Variants in TMEM178B observed in about 807,000 individuals in gnomAD.
The protein encoded by TMEM178B is transmembrane protein 178B.
Under a neutral mutation model 31.0 loss-of-function variants are expected in TMEM178B, and 5 were observed. The ratio of observed to expected loss-of-function variants is 0.16; its 90% CI spans 0.08 to 0.34. The LOEUF (loss-of-function observed/expected upper bound fraction) is 0.34, where lower values mean the gene tolerates loss of function less well. Among genes scored for constraint, TMEM178B ranks in the 10% least tolerant of loss-of-function variants. TMEM178B has a pLI of 1.00. For missense variants in TMEM178B, 275 were observed against 400.3 expected (o/e 0.69, Z 2.67); for synonymous variants, 164 against 164.0 (o/e 1.00, Z 0.00).
intron 3 of TMEM178B, among the ~76,000 whole-genome samples, chr7:141,454,459 G>A (rs1453351930): frequency 1.3e-5 from 2 of 152,126 alleles, no homozygotes; most frequent in Non-Finnish European, 1.5e-5. Context: ...GTCTCCATGT[G>A]GTCAGCCTTC....
Position 141,475,676 on chromosome 7 carries a change from G to T in TMEM178B, c.*4890G>T, listed in dbSNP as rs1438519189. ...GAGTGCAGGGCCCTGAGCCCCCAGA[G>T]ATAGCAAAGAGGCCTAAAAGTTTAA... On this transcript the variant is annotated 3_prime_UTR_variant, in exon 4 of 4. Coordinates refer to ENST00000565468, the MANE Select transcript of TMEM178B (RefSeq NM_001195278.2). The T allele has an allele frequency of 6.6e-6, 1 of 152,302 alleles. No homozygotes were observed. The highest frequency in any genetic ancestry group is 2.4e-5 in the African/African-American group (1 of 41,444). The allele number at this position is 152,302 out of a possible 1,614,324, so 9.4% of individuals were successfully genotyped here. A position where few individuals can be genotyped will look rare whatever the true frequency, so the allele number is the denominator to read the frequency against.
intron 2 of TMEM178B, among the ~76,000 whole-genome samples, chr7:141,429,306 A>AACACAC (rs1801377954): frequency 4.3e-5 from 2 of 46,778 alleles, no homozygotes; most frequent in African/African-American, 9.4e-5. Context: ...AAGAAAATGT[A>AACACAC]ATACACACAC....
intron 1 of TMEM178B, among the ~76,000 whole-genome samples, chr7:141,186,375 A>G (rs1388585272): frequency 2.0e-5 from 3 of 152,112 alleles, no homozygotes; most frequent in Non-Finnish European, 4.4e-5. Context: ...GTGGATTTGC[A>G]TGGCATGCCT....
chr7:141,197,360 C>G (rs1199978985), intron 1 of TMEM178B, among the ~76,000 whole-genome samples: 1 of 152,170 alleles, frequency 6.6e-6, no homozygotes, highest in Non-Finnish European at 1.5e-5. Flanking sequence ...GGTTCCAGCA[C>G]CCATGTTCTT....
the TMEM178B span, among the ~76,000 whole-genome samples, chr7:141,510,405 G>T: frequency 6.6e-6 from 1 of 152,090 alleles, no homozygotes; most frequent in Non-Finnish European, 1.5e-5. Context: ...GAGCTCAGGG[G>T]CCGGGCGCGG....
At chr7:141,259,649 A>G (rs1432423618) in intron 2 of TMEM178B, among the ~76,000 whole-genome samples, 1 of 152,196 alleles carries the variant, frequency 6.6e-6, no homozygotes, top group African/African-American at 2.4e-5. Flanking sequence ...CTCCCCGACA[A>G]TACGTAGCTA....
chr7:141,360,441 G>T (rs1799897285), intron 2 of TMEM178B, among the ~76,000 whole-genome samples: 1 of 152,222 alleles, frequency 6.6e-6, no homozygotes, highest in Non-Finnish European at 1.5e-5. Context: ...TTCCAGAAAG[G>T]ATTTTGATTC....
At chr7:141,335,153 A>G (rs1424117708) in intron 2 of TMEM178B, among the ~76,000 whole-genome samples, 1 of 152,124 alleles carries the variant, frequency 6.6e-6, no homozygotes, top group Non-Finnish European at 1.5e-5. Flanking sequence ...AGTCCTGGAT[A>G]AGGAGGGAAA....
intron 2 of TMEM178B, among the ~76,000 whole-genome samples, chr7:141,229,013 CTTTTTTTTTTTT>C (rs3035763): frequency 2.5e-5 from 2 of 80,574 alleles, no homozygotes; most frequent in Admixed American, 1.3e-4. Context: ...TCAGTACTAT[CTTTTTTTTTTTT>C]TTTTTTTTTT....
intron 2 of TMEM178B, among the ~76,000 whole-genome samples, chr7:141,232,437 G>A (rs935673483): frequency 6.6e-5 from 10 of 152,100 alleles, no homozygotes; most frequent in Admixed American, 2.0e-4. Flanking sequence ...CAGTGTTAAA[G>A]CATTCCTTTT....
At chr7:141,271,234 T>G (rs1798175721) in intron 2 of TMEM178B, among the ~76,000 whole-genome samples, 1 of 152,152 alleles carries the variant, frequency 6.6e-6, no homozygotes, top group African/African-American at 2.4e-5. Context: ...GGAGGCCTGC[T>G]TCAAAATCTC....
At chr7:141,303,385 T>C (rs1427621749) in intron 2 of TMEM178B, among the ~76,000 whole-genome samples, 1 of 152,214 alleles carries the variant, frequency 6.6e-6, no homozygotes, top group Non-Finnish European at 1.5e-5. Flanking sequence ...TATACTCCAA[T>C]TAAGGGGAGA....
intron 2 of TMEM178B, among the ~76,000 whole-genome samples, chr7:141,257,632 C>T (rs762614534): frequency 2.0e-5 from 3 of 152,144 alleles, no homozygotes; most frequent in Admixed American, 6.5e-5. Flanking sequence ...CTCCTCAGCT[C>T]TTGATATGTG....
intron 2 of TMEM178B, among the ~76,000 whole-genome samples, chr7:141,237,178 T>C (rs186093654): frequency 6.6e-6 from 1 of 152,346 alleles, no homozygotes; most frequent in African/African-American, 2.4e-5. Context: ...TGATACAACC[T>C]TACTTGAAAT....
At chr7:141,181,734 C>G (rs1001117589) in intron 1 of TMEM178B, among the ~76,000 whole-genome samples, 6 of 152,222 alleles carry the variant, frequency 3.9e-5, no homozygotes, top group African/African-American at 1.4e-4. Context: ...CCTCTTTTAT[C>G]TCTGGTCCTT....
At chr7:141,240,690 C>T (rs1797602817) in intron 2 of TMEM178B, among the ~76,000 whole-genome samples, 1 of 152,178 alleles carries the variant, frequency 6.6e-6, no homozygotes, top group Non-Finnish European at 1.5e-5. Context: ...TGGCAAACAC[C>T]AGGATGGATT....
Position 141,224,388 on chromosome 7 carries a change from A to C in TMEM178B, c.496+11684A>C, listed in dbSNP as rs181146660. Among the ~76,000 whole-genome samples, 787 of 152,348 alleles carry C rather than the reference A, an allele frequency of 5.2e-3. 31 individuals carry two copies. The highest frequency in any genetic ancestry group is 0.047 in the Admixed American group (723 of 15,304). On this transcript the variant is annotated intron_variant, in intron 2 of 3. Coordinates refer to ENST00000565468, the MANE Select transcript of TMEM178B (RefSeq NM_001195278.2). ...ATTTCTTTTACGGATTCGATCTCCA[A>C]GTTATAGACTCTTGATTACAAGCAT...
chr7:141,448,826 A>G (rs111576504), intron 3 of TMEM178B, among the ~76,000 whole-genome samples: 3,392 of 152,238 alleles, frequency 0.022, 77 homozygotes, highest in African/African-American at 0.057. Flanking sequence ...CAGCATTAAC[A>G]AGACCCTGTC....
intron 3 of TMEM178B, among the ~76,000 whole-genome samples, chr7:141,448,831 C>T (rs978352210): frequency 6.6e-6 from 1 of 152,144 alleles, no homozygotes; most frequent in African/African-American, 2.4e-5. Flanking sequence ...TTAACAAGAC[C>T]CTGTCTTCTC....
Sources: allele counts gnomAD v4.1 joint callset (sites outside exome capture counted in the v4.1 genomes callset), GRCh38; gene constraint gnomAD v4.1.1; transcripts MANE v1.5; gene names NCBI Gene and HGNC (gene_info 2026-07-23, HGNC 2026-07-21).